NT5C1A: variants seen among roughly 807,000 people sequenced by gnomAD.
NT5C1A encodes 5'-nucleotidase, cytosolic IA.
A neutral mutation model predicts 31.0 loss-of-function variants in NT5C1A; 18 were observed. The observed-to-expected ratio is 0.58, with a 90% CI of 0.40 to 0.86. The LOEUF (loss-of-function observed/expected upper bound fraction) is 0.86. NT5C1A is among the 40% of genes least tolerant of loss of function. The pLI is 0.00. For synonymous variants in NT5C1A, 185 were observed against 203.6 expected (o/e 0.91, Z 0.78); for missense variants, 470 against 505.4 (o/e 0.93, Z 0.67).
At chr1:39,664,896 T>C (rs75811340) in intron 3 of NT5C1A, among the ~76,000 whole-genome samples, 2,019 of 150,778 alleles carry the variant, frequency 0.013, 51 homozygotes, top group African/African-American at 0.046. Context: ...CAAATAAAGG[T>C]TCATGTGGCC....
At chr1:39,669,322 C>T (rs1367502334) in intron 1 of NT5C1A, among the ~76,000 whole-genome samples, 1 of 151,746 alleles carries the variant, frequency 6.6e-6, no homozygotes, top group Admixed American at 6.6e-5. Context: ...AAGATAGAAA[C>T]ATAGGCAAAA....
chr1:39,665,732 G>T, intron 2 of NT5C1A, 82 bp from the exon 3 acceptor site: 2 of 1,403,834 alleles, frequency 1.4e-6, no homozygotes, highest in Non-Finnish European at 2.0e-6. Flanking sequence ...AGTGAGGGGA[G>T]GTGAGGAGCC....
intron 1 of NT5C1A, among the ~76,000 whole-genome samples, chr1:39,669,094 C>T (rs1468796617): frequency 6.6e-6 from 1 of 152,190 alleles, no homozygotes; most frequent in Non-Finnish European, 1.5e-5. Flanking sequence ...AAGCCCTGAT[C>T]TCAGACTGGG....
Position 39,659,457 on chromosome 1 carries a change from C to A in NT5C1A, c.771G>T (p.Leu257=), listed in dbSNP as rs773659831. 5 of 1,591,798 alleles carry A rather than the reference C, an allele frequency of 3.1e-6. No individual in the cohort carries two copies. In the Admixed American group the frequency reaches 6.9e-5, roughly 22 times the overall value. The change falls in exon 6 of 6, where the codon CTG becomes CTT. Residue 257 remains leucine, a synonymous_variant. Transcript: ENST00000235628. The part of the protein sequence containing the change: ...QGPLKGFLEA[L]GRLQKKFYSK... ...AGTAGAACTTCTTCTGCAACCTACC[C>A]AGTGCCTCCAGAAAGCCCTTTAAGG...
rs1299752063 is a variant in NT5C1A, at chr1:39,665,561, A to C, written c.393T>G (p.Ala131=). Residue 131 remains alanine, a synonymous_variant, in exon 3 of 6, where the codon GCT becomes GCG. Coordinates refer to ENST00000235628, the MANE Select transcript of NT5C1A (RefSeq NM_032526.3). ...TGTTGATGAGGCGGACACCCACTTGAGCATGGTTGTTAGTCATGAGGACGA... is the reference window on the plus strand; with the variant it reads ...TGTTGATGAGGCGGACACCCACTTGCGCATGGTTGTTAGTCATGAGGACGA... The part of the protein sequence containing the change: ...FDIVLMTNNH[A]QVGVRLINSI... The C allele has an allele frequency of 1.9e-6, 3 of 1,613,514 alleles. No homozygotes were observed. Among genetic ancestry groups the C allele is most frequent in the Non-Finnish European group, 2.5e-6 (3 of 1,179,904 alleles).
chr1:39,670,198 C>A (rs1646543820), intron 1 of NT5C1A, among the ~76,000 whole-genome samples: 1 of 152,184 alleles, frequency 6.6e-6, no homozygotes, highest in African/African-American at 2.4e-5. Context: ...GCTAGAATGC[C>A]AGTGCAGACT....
chr1:39,659,602 C>A, intron 5 of NT5C1A, 116 bp from the exon 6 acceptor site: 1 of 1,322,172 alleles, frequency 7.6e-7, no homozygotes, highest in South Asian at 1.5e-5. Flanking sequence ...ATCCCTAAAT[C>A]TTTCAGTTAG....
intron 1 of NT5C1A, among the ~76,000 whole-genome samples, chr1:39,669,105 A>T (rs566058115): frequency 2.6e-4 from 40 of 152,224 alleles, no homozygotes; most frequent in African/African-American, 9.1e-4. Flanking sequence ...TCAGACTGGG[A>T]ATTGGGTCAG....
rs2124148299 is a variant in NT5C1A, at chr1:39,658,827, C to T, written c.*294G>A. 6.6e-6 allele frequency among the ~76,000 whole-genome samples: 1 copy of T among 152,282 alleles called. No homozygotes were observed. Among genetic ancestry groups the T allele is most frequent in the Non-Finnish European group, 1.5e-5 (1 of 68,024 alleles). On this transcript the variant is annotated 3_prime_UTR_variant, in exon 6 of 6. Transcript: ENST00000235628. Reference sequence around the variant, plus strand: ...CATCCTAAGTCACTATTGAGAAATCCTGGCTTCTCTGACCCTCCCCCTCTC... The same window carrying T: ...CATCCTAAGTCACTATTGAGAAATCTTGGCTTCTCTGACCCTCCCCCTCTC...
intron 5 of NT5C1A, among the ~76,000 whole-genome samples, chr1:39,660,610 C>A (rs1418745294): frequency 6.6e-6 from 1 of 152,042 alleles, no homozygotes; most frequent in Non-Finnish European, 1.5e-5. Context: ...GGGAAACAGG[C>A]TTCTTAAGAG....
rs1646469119 is a variant in NT5C1A at position 39,657,324 on chromosome 1, G to T, written c.*1797C>A. 6.6e-6 allele frequency among the ~76,000 whole-genome samples: 1 copy of T among 152,124 alleles called. No individual in the cohort carries two copies. Among genetic ancestry groups the T allele is most frequent in the African/African-American group, 2.4e-5 (1 of 41,406 alleles). Reference sequence around the variant, plus strand: ...AATATCTTTCTGCATCTCTTACCCTGCCCCACACTGCACAGAACCTGTGCC... The same window carrying T: ...AATATCTTTCTGCATCTCTTACCCTTCCCCACACTGCACAGAACCTGTGCC... On this transcript the variant is annotated 3_prime_UTR_variant, in exon 6 of 6. Coordinates refer to ENST00000235628, the MANE Select transcript of NT5C1A (RefSeq NM_032526.3).
Position 39,672,081 on chromosome 1 carries a change from A to G in NT5C1A, c.-43T>C. 6.8e-7 allele frequency: 1 copy of G among 1,471,792 alleles called. No individual in the cohort carries two copies. Among genetic ancestry groups the G allele is most frequent in the Non-Finnish European group, 9.0e-7 (1 of 1,106,462 alleles). The allele number at this position is 1,471,792 out of a possible 1,614,324, so 91.2% of individuals were successfully genotyped here. On this transcript the variant is annotated 5_prime_UTR_variant, in exon 1 of 6. Transcript: ENST00000235628. ...GCCCGGCCAGAGCAGGCGGCGGCGT[A>G]GACGCGGAGGTGGCTGGGGCTGGGC...
chr1:39,661,105 C>T lies in NT5C1A; in HGVS notation c.715G>A (p.Ala239Thr). The T allele has an allele frequency of 6.3e-7, 1 of 1,589,002 alleles. No homozygotes were observed. The highest frequency in any genetic ancestry group is 8.6e-7 in the Non-Finnish European group (1 of 1,159,654). ...GLDRFFEHEK[A>T]HENKPLAQGP... ...TGAGCCAGAGGTTTGTTCTCGTGGGCCTTCTCATGCTCGAAGAATCGGTCC... is the reference window on the plus strand; with the variant it reads ...TGAGCCAGAGGTTTGTTCTCGTGGGTCTTCTCATGCTCGAAGAATCGGTCC... The change falls in exon 5 of 6, where the codon GCC becomes ACC. Residue 239 changes from alanine to threonine, a missense_variant. Transcript: ENST00000235628.
Position 39,661,182 on chromosome 1 carries a change from T to C in NT5C1A, c.638A>G (p.Asp213Gly). 6 of 1,601,624 alleles carry C rather than the reference T, an allele frequency of 3.7e-6. No homozygotes were observed. Among genetic ancestry groups the C allele is most frequent in the Non-Finnish European group, 5.1e-6 (6 of 1,169,518 alleles). Residue 213 changes from aspartate (D) to glycine (G), a missense_variant, in exon 5 of 6, where the codon GAC becomes GGC. Physicochemically the swap from Asp to Gly is moderately conservative, Grantham distance 94. Transcript: ENST00000235628. ...QSQLRVAFDGDAVLFSDESER... is the reference protein window; with the variant it reads ...QSQLRVAFDGGAVLFSDESER... ...CGACTCGTCCGAGAAGAGCACGGCG[T>C]CCCCATCGAAGGCCACGCGCAGCTG...
chr1:39,656,939 T>C lies in NT5C1A; in HGVS notation c.*2182A>G, dbSNP rs1236533788. Among the ~76,000 whole-genome samples, 1 of 152,242 alleles carries C rather than the reference T, an allele frequency of 6.6e-6. No individual in the cohort carries two copies. The highest frequency in any genetic ancestry group is 1.5e-5 in the Non-Finnish European group (1 of 68,026). On this transcript the variant is annotated 3_prime_UTR_variant, in exon 6 of 6. Coordinates refer to ENST00000235628, the MANE Select transcript of NT5C1A (RefSeq NM_032526.3). ...TTTTTTGTTTCCTTGAGGTTGTTCT[T>C]GGCCCTCACAGTACCTCTGTCTAGG...
chr1:39,665,207 TG>T (rs1646514915), intron 3 of NT5C1A, among the ~76,000 whole-genome samples: 1 of 151,906 alleles, frequency 6.6e-6, no homozygotes, highest in Non-Finnish European at 1.5e-5. Flanking sequence ...ACACGGAGAG[TG>T]GGGTGTGCTG....
At chr1:39,663,864 C>T (rs985282210) in intron 3 of NT5C1A, among the ~76,000 whole-genome samples, 2 of 152,184 alleles carry the variant, frequency 1.3e-5, no homozygotes, top group Non-Finnish European at 2.9e-5. Flanking sequence ...CATTAAGTTA[C>T]CCGTCACTCT....
intron 4 of NT5C1A, among the ~76,000 whole-genome samples, chr1:39,662,140 A>G (rs377519183): frequency 6.6e-6 from 1 of 152,200 alleles, no homozygotes; most frequent in Admixed American, 6.5e-5. Context: ...CCTAGTCTCC[A>G]TCTCTTCAAA....
At chr1:39,662,154 C>G (rs527240155) in intron 4 of NT5C1A, among the ~76,000 whole-genome samples, 2 of 152,328 alleles carry the variant, frequency 1.3e-5, no homozygotes, top group South Asian at 2.1e-4. Flanking sequence ...CTTCAAAGAC[C>G]ACTTCAGCCC....
Sources: gnomAD v4.1 joint callset for allele counts (sites outside exome capture counted in the v4.1 genomes callset) on GRCh38, gnomAD v4.1.1 for gene constraint, MANE v1.5 for transcripts, NCBI Gene and HGNC (gene_info 2026-07-23, HGNC 2026-07-21) for gene names.